ZNF362: variants seen among roughly 807,000 people sequenced by gnomAD.
The protein encoded by ZNF362 is rotund homolog.
Under a neutral mutation model 42.9 loss-of-function variants are expected in ZNF362, and 11 were observed. The observed-to-expected ratio is 0.26, with a 90% CI of 0.16 to 0.42. The LOEUF is 0.42. Among genes scored for constraint, ZNF362 ranks in the 20% least tolerant of loss-of-function variants. The pLI is 1.00. For missense variants in ZNF362, 362 were observed against 576.2 expected (o/e 0.63, Z 3.81); for synonymous variants, 255 against 257.3 (o/e 0.99, Z 0.09).
At chr1:33,219,742 T>G in the ZNF362 span, among the ~76,000 whole-genome samples, 2 of 152,108 alleles carry the variant, frequency 1.3e-5, no homozygotes, top group African/African-American at 4.8e-5. Flanking sequence ...CAGGATGCTT[T>G]CAGCAGTGGC....
chr1:33,202,106 A>C, the ZNF362 span, among the ~76,000 whole-genome samples: 1 of 152,262 alleles, frequency 6.6e-6, no homozygotes, highest in Non-Finnish European at 1.5e-5. Flanking sequence ...AATATTACAT[A>C]AATTGAATTC....
chr1:33,162,618 G>A, the ZNF362 span, among the ~76,000 whole-genome samples: 2 of 152,208 alleles, frequency 1.3e-5, no homozygotes, highest in Non-Finnish European at 2.9e-5. Context: ...TTGCTCCGTA[G>A]AGCTGGGTGC....
At chr1:33,141,259 C>T in the ZNF362 span, among the ~76,000 whole-genome samples, 1 of 152,064 alleles carries the variant, frequency 6.6e-6, no homozygotes, top group South Asian at 2.1e-4. Flanking sequence ...CCCTTCTCCT[C>T]TGAGCACCTC....
the ZNF362 span, among the ~76,000 whole-genome samples, chr1:33,250,850 A>AAGAAGAAG: frequency 5.3e-5 from 5 of 94,522 alleles, no homozygotes; most frequent in Non-Finnish European, 1.1e-4. Flanking sequence ...AAGAAGAAAG[A>AAGAAGAAG]AGGAAGAAGA....
At chr1:33,200,355 TACTC>T in the ZNF362 span, 3 of 151,168 alleles carry the variant, frequency 2.0e-5, no homozygotes, top group African/African-American at 4.9e-5. Context: ...GAAGAAAAAA[TACTC>T]AATCCAAAAA....
At chr1:33,172,924 G>T in the ZNF362 span, among the ~76,000 whole-genome samples, 1 of 152,200 alleles carries the variant, frequency 6.6e-6, no homozygotes, top group Non-Finnish European at 1.5e-5. Flanking sequence ...TCACAGTGTT[G>T]TGATGAAGGC....
chr1:33,159,693 G>C, the ZNF362 span: 1 of 1,606,890 alleles, frequency 6.2e-7, no homozygotes, highest in Non-Finnish European at 8.5e-7. The surrounding 1 kb of genome is among the most constrained non-coding windows in gnomAD (Gnocchi z 4.2). Context: ...CTTACCGCTC[G>C]GACAGTGAGG....
chr1:33,217,344 G>A, the ZNF362 span, among the ~76,000 whole-genome samples: 12 of 152,132 alleles, frequency 7.9e-5, no homozygotes, highest in Non-Finnish European at 1.8e-4. Flanking sequence ...TGTAACCTTG[G>A]CCAATTCCCT....
At chr1:33,203,843 C>T in the ZNF362 span, among the ~76,000 whole-genome samples, 1 of 152,004 alleles carries the variant, frequency 6.6e-6, no homozygotes, top group African/African-American at 2.4e-5. Context: ...TTGTTTCTTG[C>T]TATTGAATTG....
chr1:33,198,693 C>A, the ZNF362 span, among the ~76,000 whole-genome samples: 1 of 151,856 alleles, frequency 6.6e-6, no homozygotes, highest in Non-Finnish European at 1.5e-5. Flanking sequence ...AAAAGTCAAT[C>A]GTCAATCAAT....
chr1:33,276,075 G>T (rs199560165), intron 2 of ZNF362, 25 bp from the exon 3 acceptor site: 1 of 1,613,550 alleles, frequency 6.2e-7, no homozygotes, highest in East Asian at 2.2e-5. Flanking sequence ...CTCTCTTCCC[G>T]GTGACAGTCG....
the ZNF362 span, chr1:33,146,999 G>C: frequency 4.7e-6 from 3 of 638,564 alleles, no homozygotes; most frequent in Admixed American, 5.9e-5. Flanking sequence ...GATGCTGGAA[G>C]AGAGTTTAGG....
At chr1:33,212,198 A>T in the ZNF362 span, among the ~76,000 whole-genome samples, 419 of 152,226 alleles carry the variant, frequency 2.8e-3, no homozygotes, top group Non-Finnish European at 4.4e-3. Flanking sequence ...TTCCACTATG[A>T]GTCAAAGCTC....
At chr1:33,130,523 C>CT in the ZNF362 span, among the ~76,000 whole-genome samples, 1 of 152,160 alleles carries the variant, frequency 6.6e-6, no homozygotes, top group Non-Finnish European at 1.5e-5. Flanking sequence ...TTGAGGACTT[C>CT]TAACAGCTGT....
intron 1 of ZNF362, among the ~76,000 whole-genome samples, chr1:33,258,721 C>T (rs543467404): frequency 6.6e-6 from 1 of 152,252 alleles, no homozygotes; most frequent in Admixed American, 6.5e-5. Flanking sequence ...ATCCCTTCAC[C>T]CCCTCCTACC....
the ZNF362 span, among the ~76,000 whole-genome samples, chr1:33,234,362 C>T: frequency 6.6e-6 from 1 of 152,192 alleles, no homozygotes; most frequent in African/African-American, 2.4e-5. Context: ...CCTTAAGTTT[C>T]CTTCCCTCCC....
intron 8 of ZNF362, among the ~76,000 whole-genome samples, chr1:33,296,826 T>A (rs199943261): frequency 1.0e-5 from 1 of 95,974 alleles, no homozygotes; most frequent in South Asian, 4.1e-4. Flanking sequence ...CAGGAAGGGT[T>A]TTTTTTTTTT....
chr1:33,257,869 C>G (rs1375694552), intron 1 of ZNF362, among the ~76,000 whole-genome samples: 3 of 152,136 alleles, frequency 2.0e-5, no homozygotes, highest in Non-Finnish European at 4.4e-5. Context: ...GAATCTCGCC[C>G]AAGCCCTGGG....
At chr1:33,295,620 C>T (rs1019190815) in intron 8 of ZNF362, among the ~76,000 whole-genome samples, 8 of 138,588 alleles carry the variant, frequency 5.8e-5, no homozygotes, top group African/African-American at 1.6e-4. Flanking sequence ...CAGAGAGAAG[C>T]GCCTTCCTGT....
Sources: allele counts gnomAD v4.1 joint callset (sites outside exome capture counted in the v4.1 genomes callset), GRCh38; gene constraint gnomAD v4.1.1; non-coding constraint Gnocchi (gnomAD v3.1); transcripts MANE v1.5; gene names NCBI Gene and HGNC (gene_info 2026-07-23, HGNC 2026-07-21).